PDXP: variants seen among roughly 807,000 people sequenced by gnomAD.
PDXP encodes the protein chronophin.
Under a neutral mutation model 14.4 loss-of-function variants are expected in PDXP, and 15 were observed. The observed-to-expected ratio is 1.04, with a 90% CI of 0.70 to 1.60. The LOEUF is 1.60. Among genes scored for constraint, PDXP ranks in the 40% most tolerant of loss-of-function variants. The probability of loss-of-function intolerance (pLI) is 0.00; values close to 1 mark genes in which losing one functional copy is unlikely to be tolerated. For missense variants in PDXP, 413 were observed against 427.6 expected, an observed-to-expected ratio of 0.97 and a Z score of 0.30; for synonymous variants, 233 against 205.6, an observed-to-expected ratio of 1.13 and a Z score of -1.14.
In PDXP at chr22:37,658,743, G is replaced by A. The variant is rs927314978; in HGVS notation, c.-40G>A. 2.3e-5 allele frequency: 26 copies of A among 1,122,770 alleles called. No individual in the cohort carries two copies. The highest frequency in any genetic ancestry group is 1.9e-4 in the Admixed American group (4 of 21,086). 69.6% of individuals were successfully genotyped at this position (1,122,770 alleles called of 1,614,324 possible). A position where few individuals can be genotyped will look rare whatever the true frequency, so the allele number is the denominator to read the frequency against. On this transcript the variant is annotated 5_prime_UTR_variant, in exon 1 of 2. Coordinates refer to ENST00000215904, the MANE Select transcript of PDXP (RefSeq NM_020315.5). Reference sequence around the variant, plus strand: ...CCAGGGAGAGCGCGCCGTGCCCGCGGAGAGAGCGCGGCGCGGGAGGCCGGC... The same window carrying A: ...CCAGGGAGAGCGCGCCGTGCCCGCGAAGAGAGCGCGGCGCGGGAGGCCGGC...
At chr22:37,661,917 ATTTTTTTTTTTTTTT>A (rs763030330) in intron 1 of PDXP, among the ~76,000 whole-genome samples, 19 of 71,216 alleles carry the variant, frequency 2.7e-4, no homozygotes, top group Middle Eastern at 7.7e-3. Context: ...TTTTTCTTTA[ATTTTTTTTTTTTTTT>A]TTTTTTTTTT....
chr22:37,665,676 C>G lies in PDXP; in HGVS notation c.696C>G (p.Arg232=). The stretch of plus-strand genomic sequence containing the variant: ...AGAACTTCAGCATCGACCCCGCACG[C>G]ACGCTTATGGTGGGTGACCGCCTGG... ...ITENFSIDPA[R]TLMVGDRLET... The change falls in exon 2 of 2, where the codon CGC becomes CGG. Residue 232 remains arginine, a synonymous_variant. Transcript: ENST00000215904. 6.2e-7 allele frequency: 1 copy of G among 1,614,160 alleles called. No individual in the cohort carries two copies.
At position 37,666,513 on chromosome 22, in the gene PDXP, C is replaced by T. The variant is rs1387870047; in HGVS notation, c.*642C>T. 1 of 170,010 alleles carries T rather than the reference C, an allele frequency of 5.9e-6. No individual in the cohort carries two copies. The highest frequency in any genetic ancestry group is 2.4e-5 in the African/African-American group (1 of 41,462). The allele number at this position is 170,010 out of a possible 1,614,324, so 10.5% of individuals were successfully genotyped here. On this transcript the variant is annotated 3_prime_UTR_variant, in exon 2 of 2. Transcript: ENST00000215904. ...CCCCAAGTGATAGTGACCCAGTGGT[C>T]TTTTAGATCCTCAGTAGAACAGTCC...
At chr22:37,664,512 T>C (rs544540132) in intron 1 of PDXP, among the ~76,000 whole-genome samples, 12 of 152,336 alleles carry the variant, frequency 7.9e-5, no homozygotes, top group Non-Finnish European at 1.5e-4. Flanking sequence ...GCAAATCCTT[T>C]TGCTGCCACT....
rs1920999913 is a variant in PDXP at position 37,664,294 on chromosome 22, C to T, written c.575-1261C>T. Among the ~76,000 whole-genome samples, 3 of 151,278 alleles carry T rather than the reference C, an allele frequency of 2.0e-5. 1 individual carries two copies. Among genetic ancestry groups the T allele is most frequent in the African/African-American group, 7.3e-5 (3 of 41,048 alleles). On this transcript the variant is annotated intron_variant, in intron 1 of 1. Coordinates refer to ENST00000215904, the MANE Select transcript of PDXP (RefSeq NM_020315.5). Reference sequence around the variant, plus strand: ...TATATTTAAGTAGAGATGGGATCTCCCTGTTGCCCAGGCTGGTCTTGAACT... The same window carrying T: ...TATATTTAAGTAGAGATGGGATCTCTCTGTTGCCCAGGCTGGTCTTGAACT...
intron 1 of PDXP, among the ~76,000 whole-genome samples, chr22:37,659,939 A>T (rs921800217): frequency 8.5e-5 from 13 of 152,186 alleles, no homozygotes; most frequent in Non-Finnish European, 1.6e-4. Context: ...TGTTACAGAG[A>T]ACTTAATGAA....
intron 1 of PDXP, 59 bp downstream of exon 1, chr22:37,659,415 G>T (rs1185017163): frequency 8.3e-7 from 1 of 1,201,550 alleles, no homozygotes; most frequent in African/African-American, 1.5e-5. Flanking sequence ...TCGCCTCCAC[G>T]CCTAAGGGTG....
chr22:37,658,969 C>T lies in PDXP; in HGVS notation c.187C>T (p.Arg63Cys). The change falls in exon 1 of 2, where the codon CGC becomes TGC. Residue 63 changes from arginine to cysteine, a missense_variant. By Grantham distance (180) the Arg-to-Cys change is radical. Coordinates refer to ENST00000215904, the MANE Select transcript of PDXP (RefSeq NM_020315.5). ...TCTGTTTGTGAGCAACAACAGCCGG[C>T]GCGCGCGGCCCGAGCTGGCCCTGCG... Reference protein sequence around the residue: ...AALFVSNNSRRARPELALRFA... With the variant: ...AALFVSNNSRCARPELALRFA... The T allele has an allele frequency of 3.3e-6, 4 of 1,203,166 alleles. No homozygotes were observed. Among genetic ancestry groups the T allele is most frequent in the Non-Finnish European group, 3.1e-6 (3 of 967,568 alleles). 74.5% of individuals were successfully genotyped at this position (1,203,166 alleles called of 1,614,324 possible).
intron 1 of PDXP, 66 bp from the exon 2 acceptor site, chr22:37,665,489 T>A (rs1601597461): frequency 7.5e-7 from 1 of 1,328,130 alleles, no homozygotes; most frequent in Admixed American, 2.2e-5. Context: ...TCCCTGGACT[T>A]CCAGTTTCAG....
chr22:37,662,615 G>A (rs903642834), intron 1 of PDXP, among the ~76,000 whole-genome samples: 2 of 152,198 alleles, frequency 1.3e-5, no homozygotes, highest in African/African-American at 2.4e-5. Flanking sequence ...GGAACCTCAA[G>A]AGCAAAAAGA....
At chr22:37,665,058 C>T (rs1022941654) in intron 1 of PDXP, 7 of 176,930 alleles carry the variant, frequency 4.0e-5, no homozygotes, top group African/African-American at 1.4e-4. Context: ...AGTGCTGTTC[C>T]ATTTACAAAG....
Position 37,658,865 on chromosome 22 carries a change from G to A in PDXP, c.83G>A (p.Gly28Glu), listed in dbSNP as rs1239614005. ...RAQGVLFDCD[G>E]VLWNGERAVP... is the part of the protein sequence containing the mutation. ...CAGGGGGTCCTGTTCGACTGTGACGGGGTGCTGTGGAACGGCGAGCGCGCC... is the reference window on the plus strand; with the variant it reads ...CAGGGGGTCCTGTTCGACTGTGACGAGGTGCTGTGGAACGGCGAGCGCGCC... The change falls in exon 1 of 2, where the codon GGG becomes GAG. Residue 28 changes from glycine (G) to glutamate (E), a missense_variant. By Grantham distance (98) the Gly-to-Glu change is moderately conservative. Transcript: ENST00000215904. 1 of 1,219,078 alleles carries A rather than the reference G, an allele frequency of 8.2e-7. No individual in the cohort carries two copies. Among genetic ancestry groups the A allele is most frequent in the Non-Finnish European group, 1.0e-6 (1 of 978,172 alleles). The allele number at this position is 1,219,078 out of a possible 1,614,324, so 75.5% of individuals were successfully genotyped here. A position where few individuals can be genotyped will look rare whatever the true frequency, so the allele number is the denominator to read the frequency against.
At chr22:37,661,856 G>T (rs1933210108) in intron 1 of PDXP, among the ~76,000 whole-genome samples, 1 of 148,552 alleles carries the variant, frequency 6.7e-6, no homozygotes, top group African/African-American at 2.5e-5. Flanking sequence ...AGCCCTTTCT[G>T]TCCCAGAAGG....
At position 37,661,917 on chromosome 22, in the gene PDXP, A is replaced by ATTTTT. The variant is rs763030330; in HGVS notation, c.574+2599_574+2603dup. Among the ~76,000 whole-genome samples, 74 of 71,208 alleles carry ATTTTT rather than the reference A, an allele frequency of 1.0e-3. 2 individuals are homozygous for ATTTTT. The highest frequency in any genetic ancestry group is 1.4e-3 in the East Asian group (3 of 2,090). The allele number at this position is 71,208 out of a possible 152,430, so 46.7% of individuals were successfully genotyped here. ...CTTTTATTCTCTCTCTTTTTCTTTA[A>ATTTTT]TTTTTTTTTTTTTTTTTTTTTTTTT... On this transcript the variant is annotated intron_variant, in intron 1 of 1. Coordinates refer to ENST00000215904, the MANE Select transcript of PDXP (RefSeq NM_020315.5).
At chr22:37,665,423 G>A (rs1921036990) in intron 1 of PDXP, 132 bp from the exon 2 acceptor site, 5 of 684,226 alleles carry the variant, frequency 7.3e-6, no homozygotes, top group South Asian at 3.8e-5. Flanking sequence ...AGTGAGACTC[G>A]GAAGTGGGCT....
intron 1 of PDXP, among the ~76,000 whole-genome samples, chr22:37,662,021 A>C (rs1933217941): frequency 7.4e-6 from 1 of 135,536 alleles, no homozygotes; most frequent in Admixed American, 8.4e-5. Context: ...GGCTCACTGC[A>C]ACCTCTGCCT....
At chr22:37,661,011 A>G (rs1933192335) in intron 1 of PDXP, among the ~76,000 whole-genome samples, 1 of 152,162 alleles carries the variant, frequency 6.6e-6, no homozygotes. Flanking sequence ...CAGGGCTGTC[A>G]GCGGCAGCAG....
intron 1 of PDXP, among the ~76,000 whole-genome samples, chr22:37,661,577 A>T (rs1933203745): frequency 6.6e-6 from 1 of 152,156 alleles, no homozygotes; most frequent in Non-Finnish European, 1.5e-5. Context: ...GGTGGATTAC[A>T]GAGTGGAGGG....
intron 1 of PDXP, among the ~76,000 whole-genome samples, chr22:37,664,684 G>T (rs732856): frequency 6.6e-6 from 1 of 152,218 alleles, no homozygotes; most frequent in South Asian, 2.1e-4. Context: ...TTAGCATGAA[G>T]GCCGAATGTT....
Sources: gnomAD v4.1 joint callset for allele counts (sites outside exome capture counted in the v4.1 genomes callset) on GRCh38, gnomAD v4.1.1 for gene constraint, MANE v1.5 for transcripts, NCBI Gene and HGNC (gene_info 2026-07-23, HGNC 2026-07-21) for gene names.